EFR3B: variants seen among roughly 807,000 people sequenced by gnomAD.
EFR3B encodes EFR3 homolog B, also known as protein EFR3 homolog B.
Under a neutral mutation model 104.7 loss-of-function variants are expected in EFR3B, and 64 were observed. The observed-to-expected ratio is 0.61, with a 90% confidence interval of 0.50 to 0.75. The LOEUF (loss-of-function observed/expected upper bound fraction) is 0.75, where lower values mean the gene tolerates loss of function less well. Among genes scored for constraint, EFR3B ranks in the 30% least tolerant of loss-of-function variants. The probability of loss-of-function intolerance (pLI) is 0.00; values close to 1 mark genes in which losing one functional copy is unlikely to be tolerated. For missense variants in EFR3B, 750 were observed against 1,078.5 expected, an observed-to-expected ratio of 0.70 and a Z score of 4.27; for synonymous variants, 385 against 417.9, an observed-to-expected ratio of 0.92 and a Z score of 0.96.
At chr2:25,138,256 A>AAAC (rs1670573320) in intron 15 of EFR3B, among the ~76,000 whole-genome samples, 3 of 152,254 alleles carry the variant, frequency 2.0e-5, no homozygotes, top group African/African-American at 2.4e-5. Context: ...GCACTTGTTT[A>AAAC]AAGTGTCTAT....
chr2:25,121,837 G>GT, intron 5 of EFR3B, 43 bp downstream of exon 5: 1 of 1,551,396 alleles, frequency 6.4e-7, no homozygotes, highest in South Asian at 1.2e-5. Context: ...GCTTACAGCA[G>GT]AAGCAACGGT....
chr2:25,106,380 C>T (rs1669564032), intron 4 of EFR3B, among the ~76,000 whole-genome samples: 1 of 152,176 alleles, frequency 6.6e-6, no homozygotes, highest in Non-Finnish European at 1.5e-5. Flanking sequence ...ACCTCCGCCT[C>T]CGAGGTTCAA....
At chr2:25,111,332 C>T (rs1247313557) in intron 4 of EFR3B, among the ~76,000 whole-genome samples, 1 of 151,640 alleles carries the variant, frequency 6.6e-6, no homozygotes, top group Non-Finnish European at 1.5e-5. Flanking sequence ...ATGTTTTTAT[C>T]TTTTGGTGGC....
chr2:25,065,337 C>T (rs913067644), intron 1 of EFR3B, among the ~76,000 whole-genome samples: 2 of 149,576 alleles, frequency 1.3e-5, no homozygotes, highest in Non-Finnish European at 3.0e-5. Flanking sequence ...CGCATCACCA[C>T]ACCCAGCTAT....
At chr2:25,080,872 G>A (rs1346122395) in intron 1 of EFR3B, 1 of 816,640 alleles carries the variant, frequency 1.2e-6, no homozygotes, top group East Asian at 2.4e-5. Flanking sequence ...TTCAGAAAAA[G>A]GCTGTAAAGC....
In EFR3B at chr2:25,060,610, G is replaced by A. The variant is rs570337970; in HGVS notation, c.7+18291G>A. Among the ~76,000 whole-genome samples the A allele has an allele frequency of 5.9e-5, 9 of 152,120 alleles. No homozygotes were observed. In the South Asian group the frequency reaches 1.9e-3, roughly 32 times the overall value. On this transcript the variant is annotated intron_variant, in intron 1 of 22. Coordinates refer to ENST00000403714, the MANE Select transcript of EFR3B (RefSeq NM_014971.2). ...CAAATGGGCTTTTCACCTTGGAGAG[G>A]GGGTGATATAAAAAAACTAGCCACT...
rs998108531 is a variant in EFR3B at position 25,042,165 on chromosome 2, GC to G, written c.-143del. 559 of 758,898 alleles carry G rather than the reference GC, an allele frequency of 7.4e-4. 3 individuals carry two copies. The highest frequency in any genetic ancestry group is 8.6e-4 in the Non-Finnish European group (491 of 568,940). 47.0% of individuals were successfully genotyped at this position (758,898 alleles called of 1,614,324 possible). On this transcript the variant is annotated 5_prime_UTR_variant, in exon 1 of 23. The change abolishes the stop of an existing upstream ORF in the 5' untranslated region. Coordinates refer to ENST00000403714, the MANE Select transcript of EFR3B (RefSeq NM_014971.2). This position sits in a 1 kb window ranked among gnomAD's most constrained non-coding sequence, Gnocchi z 5.4. ...CCCGGCTCCGTCCTGCCCGCGGCCG[GC>G]CCCCGCGTCTGCTCCCTCCCCGCCC...
chr2:25,046,182 T>G (rs1176201112), intron 1 of EFR3B, among the ~76,000 whole-genome samples: 1 of 152,082 alleles, frequency 6.6e-6, no homozygotes, highest in African/African-American at 2.4e-5. Context: ...GGTCAGGAAT[T>G]TGAGACCAGC....
intron 12 of EFR3B, 103 bp downstream of exon 12, chr2:25,133,537 T>C: frequency 4.1e-6 from 5 of 1,216,738 alleles, no homozygotes; most frequent in Non-Finnish European, 5.9e-6. Flanking sequence ...TGTGGCATAC[T>C]GCACAAATAC....
chr2:25,137,209 CA>C lies in EFR3B; in HGVS notation c.1561-131del. On this transcript the variant is annotated intron_variant, in intron 14 of 22. Transcript: ENST00000403714. The surrounding 1 kb of genome is among the most constrained non-coding windows in gnomAD (Gnocchi z 4.7). ...CTTCTGCCAGAGCCCGCTTTAAAGGCATCCCCTCCCCAAGGGAGGAGGGGGC... is the reference window on the plus strand; with the variant it reads ...CTTCTGCCAGAGCCCGCTTTAAAGGCTCCCCTCCCCAAGGGAGGAGGGGGC... The C allele has an allele frequency of 2.9e-6, 3 of 1,039,324 alleles. No individual in the cohort carries two copies. The highest frequency in any genetic ancestry group is 4.2e-6 in the Non-Finnish European group (3 of 722,004). 64.4% of individuals were successfully genotyped at this position (1,039,324 alleles called of 1,614,324 possible).
At position 25,144,814 on chromosome 2, in the gene EFR3B, A is replaced by T. The variant is rs116725699; in HGVS notation, c.2051-146A>T. 207 of 638,380 alleles carry T rather than the reference A, an allele frequency of 3.2e-4. No individual in the cohort carries two copies. The African/African-American group carries it at 3.6e-3, about 11-fold the overall frequency. 39.5% of individuals were successfully genotyped at this position (638,380 alleles called of 1,614,324 possible). A position where few individuals can be genotyped will look rare whatever the true frequency, so the allele number is the denominator to read the frequency against. On this transcript the variant is annotated intron_variant, in intron 18 of 22. Coordinates refer to ENST00000403714, the MANE Select transcript of EFR3B (RefSeq NM_014971.2). Reference sequence around the variant, plus strand: ...GCCCACAGCAATCGGAAGCTTCTATAAACTCCAAGTGTAGCCTGAGTGTGC... The same window carrying T: ...GCCCACAGCAATCGGAAGCTTCTATTAACTCCAAGTGTAGCCTGAGTGTGC...
intron 4 of EFR3B, among the ~76,000 whole-genome samples, chr2:25,120,796 G>A (rs1192519609): frequency 1.3e-5 from 2 of 152,192 alleles, no homozygotes; most frequent in Admixed American, 6.5e-5. Flanking sequence ...GCAGCACCCT[G>A]GTGCAGGAGG....
chr2:25,087,345 T>TA (rs1319881626), intron 1 of EFR3B, among the ~76,000 whole-genome samples: 5 of 145,054 alleles, frequency 3.4e-5, no homozygotes, highest in Non-Finnish European at 6.0e-5. Context: ...TGTATATATA[T>TA]AAAATCTTCA....
At chr2:25,076,689 A>G (rs1573184483) in intron 1 of EFR3B, among the ~76,000 whole-genome samples, 1 of 152,180 alleles carries the variant, frequency 6.6e-6, no homozygotes, top group Non-Finnish European at 1.5e-5. Flanking sequence ...TCAAAGCCCA[A>G]AGAAGCCTGT....
chr2:25,050,878 G>A (rs1667848149), intron 1 of EFR3B, among the ~76,000 whole-genome samples: 1 of 152,230 alleles, frequency 6.6e-6, no homozygotes, highest in Admixed American at 6.5e-5. Flanking sequence ...TCCTGGAAGA[G>A]GAGACACTTC....
rs1192827353 is a variant in EFR3B, at chr2:25,130,141, G to A, written c.770+32G>A. On this transcript the variant is annotated intron_variant, in intron 7 of 22. Transcript: ENST00000403714. The surrounding 1 kb of genome is among the most constrained non-coding windows in gnomAD (Gnocchi z 4.6). ...GCCCCCACCCACTGCCTTGGCCCCA[G>A]CCTTCAGCCTGGATGTGTTTCAGGT... 1 of 1,551,444 alleles carries A rather than the reference G, an allele frequency of 6.4e-7. No homozygotes were observed. The highest frequency in any genetic ancestry group is 8.7e-7 in the Non-Finnish European group (1 of 1,146,726).
chr2:25,109,787 C>T (rs985931032), intron 4 of EFR3B, among the ~76,000 whole-genome samples: 1 of 152,094 alleles, frequency 6.6e-6, no homozygotes, highest in African/African-American at 2.4e-5. Context: ...GTTTTGGTTG[C>T]AAAACATTGT....
intron 10 of EFR3B, among the ~76,000 whole-genome samples, chr2:25,132,493 T>C (rs1670373557): frequency 6.6e-6 from 1 of 152,038 alleles, no homozygotes; most frequent in South Asian, 2.1e-4. Flanking sequence ...GTAGGCAGGT[T>C]AGGAATGCAG....
rs898197766 is a variant in EFR3B, at chr2:25,138,493, G to A, written c.1723-566G>A. Among the ~76,000 whole-genome samples the A allele has an allele frequency of 1.1e-4, 16 of 152,300 alleles. No individual in the cohort carries two copies. The Middle Eastern group carries it at 0.01, about 97-fold the overall frequency. On this transcript the variant is annotated intron_variant, in intron 15 of 22. Transcript: ENST00000403714. ...CAGGAGGGCATCATATTCCTGAATCGGGGCAAGCCTGGGAATTCAGTGACA... is the reference window on the plus strand; with the variant it reads ...CAGGAGGGCATCATATTCCTGAATCAGGGCAAGCCTGGGAATTCAGTGACA...
Sources: gnomAD v4.1 joint callset for allele counts (sites outside exome capture counted in the v4.1 genomes callset) on GRCh38, gnomAD v4.1.1 for gene constraint, Gnocchi (gnomAD v3.1) non-coding constraint, MANE v1.5 for transcripts, NCBI Gene and HGNC (gene_info 2026-07-23, HGNC 2026-07-21) for gene names.